EDA: variants seen among roughly 807,000 people sequenced by gnomAD.
EDA encodes ectodysplasin-A.
In EDA, 2 loss-of-function variants were observed where a neutral mutation model predicts 23.6. The ratio of observed to expected loss-of-function variants is 0.08; its 90% CI spans 0.03 to 0.27. EDA has a LOEUF of 0.27. Ranked by LOEUF, EDA falls within the 10% of genes least tolerant of loss-of-function variation. The pLI, the probability that EDA is intolerant of heterozygous loss-of-function variation, is 1.00. For synonymous variants in EDA, 131 were observed against 132.0 expected (o/e 0.99, Z 0.05); for missense variants, 229 against 324.2 (o/e 0.71, Z 2.26).
At chrX:69,951,932 T>C (rs1015760805) in intron 1 of EDA, among the ~76,000 whole-genome samples, 1 of 112,231 alleles carries the variant, frequency 8.9e-6, no homozygotes, top group African/African-American at 3.2e-5. Context: ...GCTTCCTCCC[T>C]TGTGCAATAG....
At chrX:69,648,974 C>G (rs1933013837) in intron 1 of EDA, among the ~76,000 whole-genome samples, 1 of 111,566 alleles carries the variant, frequency 9.0e-6, no homozygotes, top group Non-Finnish European at 1.9e-5. Context: ...CACACAATCA[C>G]TCACAGCTTC....
chrX:69,868,538 A>G (rs988914744), intron 1 of EDA, among the ~76,000 whole-genome samples: 1 of 112,172 alleles, frequency 8.9e-6, no homozygotes, highest in Non-Finnish European at 1.9e-5. Flanking sequence ...CAAATGTCTC[A>G]CCAGTAAGTC....
At chrX:69,655,762 C>CTATATA (rs3077261) in intron 1 of EDA, among the ~76,000 whole-genome samples, 638 of 52,454 alleles carry the variant, frequency 0.012, 59 homozygotes, top group African/African-American at 0.043. Flanking sequence ...TCATTAGAAT[C>CTATATA]TATATATATA....
At chrX:69,995,895 C>A in intron 2 of EDA, among the ~76,000 whole-genome samples, 1 of 111,610 alleles carries the variant, frequency 9.0e-6, no homozygotes, top group East Asian at 2.8e-4. Context: ...GTTGTTTGTA[C>A]AGATGGGTGA....
At chrX:69,752,025 G>A (rs1371625114) in intron 1 of EDA, among the ~76,000 whole-genome samples, 8 of 110,997 alleles carry the variant, frequency 7.2e-5, no homozygotes, top group Admixed American at 2.9e-4. Context: ...TCTGCAAACA[G>A]GGACAATTTG....
chrX:70,013,955 G>T (rs1434026759), intron 2 of EDA, among the ~76,000 whole-genome samples: 1 of 111,887 alleles, frequency 8.9e-6, no homozygotes, highest in African/African-American at 3.3e-5. Flanking sequence ...CGGCACAGCT[G>T]CCCTACCCCA....
intron 1 of EDA, among the ~76,000 whole-genome samples, chrX:69,633,108 C>A (rs1932667530): frequency 8.9e-6 from 1 of 111,843 alleles, no homozygotes; most frequent in South Asian, 3.7e-4. Context: ...GCTTCTGTGT[C>A]CTCCTCCCAG....
chrX:69,719,819 G>A (rs954252287), intron 1 of EDA, among the ~76,000 whole-genome samples: 5 of 107,810 alleles, frequency 4.6e-5, no homozygotes, highest in East Asian at 2.9e-4. Flanking sequence ...GCATGATTTC[G>A]GCTCACTGCA....
chrX:69,825,583 C>G (rs2016398597), intron 1 of EDA, among the ~76,000 whole-genome samples: 2 of 112,429 alleles, frequency 1.8e-5, no homozygotes, highest in Non-Finnish European at 3.8e-5. Flanking sequence ...TTTGATTCTT[C>G]TCTCTTTTTC....
intron 1 of EDA, among the ~76,000 whole-genome samples, chrX:69,753,465 T>G (rs1452711632): frequency 1.8e-5 from 2 of 111,961 alleles, no homozygotes; most frequent in Non-Finnish European, 3.8e-5. Flanking sequence ...TTTCTGTTCT[T>G]TTACATTTGC....
chrX:69,991,298 T>G (rs2019586067), intron 2 of EDA, among the ~76,000 whole-genome samples: 1 of 111,630 alleles, frequency 9.0e-6, no homozygotes, highest in South Asian at 3.7e-4. Flanking sequence ...ACATCTTCTA[T>G]TTAAGCACTT....
chrX:69,717,520 G>GT (rs371792367), intron 1 of EDA, among the ~76,000 whole-genome samples: 27,127 of 86,360 alleles, frequency 0.31, 4,549 homozygotes, highest in Middle Eastern at 0.48. Context: ...ATGTCAAATT[G>GT]TTTTTTTTTT....
At chrX:69,930,479 A>T (rs930344505) in intron 1 of EDA, among the ~76,000 whole-genome samples, 1 of 104,214 alleles carries the variant, frequency 9.6e-6, no homozygotes, top group Admixed American at 1.0e-4. Context: ...TTCATGATTT[A>T]AAAAAAAAAA....
Position 69,957,006 on chromosome X carries a change from ATGTACT to A in EDA, c.397-16_397-11del, listed in dbSNP as rs746133464. 27 of 1,188,061 alleles carry A rather than the reference ATGTACT, an allele frequency of 2.3e-5. No homozygotes were observed. The highest frequency in any genetic ancestry group is 3.1e-5 in the Non-Finnish European group (27 of 875,735). ...ACTGAGTGGGGTCAACCTTTGACTA[ATGTACT>A]TGTAATTTTTACAGATGGCCCTATT... On this transcript the variant is annotated splice_polypyrimidine_tract_variant and intron_variant, in intron 1 of 7. Coordinates refer to ENST00000374552, the MANE Select transcript of EDA (RefSeq NM_001399.5).
chrX:69,645,620 GTGTA>G lies in EDA; in HGVS notation c.396+28918_396+28921del, dbSNP rs774004204. On this transcript the variant is annotated intron_variant, in intron 1 of 7. Coordinates refer to ENST00000374552, the MANE Select transcript of EDA (RefSeq NM_001399.5). ...TGTGTGTGTATATATATATATGTGT[GTGTA>G]TATATATATATGTATAAAATACTTG... 5.6e-4 allele frequency among the ~76,000 whole-genome samples: 36 copies of G among 64,823 alleles called. 1 individual carries two copies. The highest frequency in any genetic ancestry group is 2.2e-3 in the Admixed American group (9 of 4,113). The allele number at this position is 64,823 out of a possible 115,157, so 56.3% of individuals were successfully genotyped here. A position where few individuals can be genotyped will look rare whatever the true frequency, so the allele number is the denominator to read the frequency against.
intron 1 of EDA, among the ~76,000 whole-genome samples, chrX:69,810,042 A>G (rs777234782): frequency 9.3e-6 from 1 of 108,022 alleles, no homozygotes; most frequent in South Asian, 4.1e-4. Context: ...TGGGCGGATC[A>G]CGAGGTCAGG....
intron 1 of EDA, among the ~76,000 whole-genome samples, chrX:69,880,023 T>A (rs1031682752): frequency 1.8e-5 from 2 of 112,502 alleles, no homozygotes; most frequent in South Asian, 3.6e-4. Flanking sequence ...TTAGTTTTTT[T>A]AAAAAACCAA....
chrX:69,899,454 A>G (rs1004231933), intron 1 of EDA, among the ~76,000 whole-genome samples: 29 of 111,345 alleles, frequency 2.6e-4, no homozygotes, highest in Non-Finnish European at 4.5e-4. Flanking sequence ...CCAAAAATCT[A>G]AAAAACCATG....
intron 1 of EDA, chrX:69,937,687 T>C (rs879007418): frequency 2.7e-6 from 3 of 1,129,842 alleles, no homozygotes; most frequent in Admixed American, 2.2e-5. Flanking sequence ...TCTATAGAGT[T>C]CTGGGCATAC....
Sources: gnomAD v4.1 joint callset for allele counts (sites outside exome capture counted in the v4.1 genomes callset) on GRCh38, gnomAD v4.1.1 for gene constraint, MANE v1.5 for transcripts, NCBI Gene and HGNC (gene_info 2026-07-23, HGNC 2026-07-21) for gene names.